SMARCAL1: variants seen among roughly 807,000 people sequenced by gnomAD.
SMARCAL1 encodes ATP-driven annealing helicase.
SMARCAL1 carries 58 observed loss-of-function variants against 94.5 expected under a neutral mutation model. The observed-to-expected ratio is 0.61, with a 90% confidence interval of 0.50 to 0.76. The LOEUF (loss-of-function observed/expected upper bound fraction) is 0.76, where lower values mean the gene tolerates loss of function less well. Among genes scored for constraint, SMARCAL1 ranks in the 30% least tolerant of loss-of-function variants. The probability of loss-of-function intolerance (pLI) is 0.00; values close to 1 mark genes in which losing one functional copy is unlikely to be tolerated. For synonymous variants in SMARCAL1, 422 were observed against 455.1 expected (o/e 0.93, Z 0.93); for missense variants, 1,051 against 1,177.9 (o/e 0.89, Z 1.58).
chr2:216,423,053 T>C (rs1693758570), intron 5 of SMARCAL1, among the ~76,000 whole-genome samples: 1 of 152,208 alleles, frequency 6.6e-6, no homozygotes, highest in Non-Finnish European at 1.5e-5. Flanking sequence ...AGGTAGGGGT[T>C]GTAATATCTT....
chr2:216,430,547 G>A (rs1261627860), intron 7 of SMARCAL1, among the ~76,000 whole-genome samples: 1 of 152,150 alleles, frequency 6.6e-6, no homozygotes, highest in Non-Finnish European at 1.5e-5. Flanking sequence ...CTGCCCTGTG[G>A]AGGATGACAT....
intron 10 of SMARCAL1, among the ~76,000 whole-genome samples, chr2:216,446,171 G>C (rs1694311483): frequency 6.6e-6 from 1 of 151,958 alleles, no homozygotes; most frequent in African/African-American, 2.4e-5. Flanking sequence ...GGGATCTTTG[G>C]GTCTGATGCC....
At chr2:216,438,534 A>G in intron 10 of SMARCAL1, 49 bp downstream of exon 10, 2 of 1,544,780 alleles carry the variant, frequency 1.3e-6, no homozygotes, top group Non-Finnish European at 1.8e-6. Context: ...ATCCCATAAT[A>G]TTTTGCTCAG....
intron 7 of SMARCAL1, 35 bp downstream of exon 7, chr2:216,428,817 G>T: frequency 6.3e-7 from 1 of 1,586,376 alleles, no homozygotes; most frequent in Non-Finnish European, 8.7e-7. Flanking sequence ...TTCCTCTGTT[G>T]CTCAAATTTC....
chr2:216,460,418 A>G (rs1694668318), intron 12 of SMARCAL1, among the ~76,000 whole-genome samples: 1 of 152,168 alleles, frequency 6.6e-6, no homozygotes, highest in Admixed American at 6.5e-5. Context: ...TCACAATAGC[A>G]AACACTTGGA....
intron 13 of SMARCAL1, among the ~76,000 whole-genome samples, chr2:216,464,990 G>C (rs954597272): frequency 6.6e-6 from 1 of 152,044 alleles, no homozygotes; most frequent in Non-Finnish European, 1.5e-5. Flanking sequence ...TACAAAAAAT[G>C]AACAGAATTA....
chr2:216,460,304 A>C (rs968977940), intron 12 of SMARCAL1, among the ~76,000 whole-genome samples: 3 of 152,246 alleles, frequency 2.0e-5, no homozygotes, highest in African/African-American at 7.2e-5. Flanking sequence ...TAGAACTAGA[A>C]ATACCATTTG....
At chr2:216,443,915 C>G (rs370289327) in intron 10 of SMARCAL1, among the ~76,000 whole-genome samples, 37 of 152,348 alleles carry the variant, frequency 2.4e-4, no homozygotes, top group African/African-American at 7.7e-4. Context: ...TGGCTTTCTT[C>G]TGAATGTCAA....
rs200566186 is a variant in SMARCAL1, at chr2:216,432,757, C to T, written c.1374C>T (p.Asp458=). 2.1e-5 allele frequency: 34 copies of T among 1,614,162 alleles called. No individual in the cohort carries two copies. The highest frequency in any genetic ancestry group is 1.7e-4 in the Middle Eastern group (1 of 6,060). The change falls in exon 8 of 18, where the codon GAC becomes GAT. Residue 458 remains aspartate (D), a synonymous_variant. Coordinates refer to ENST00000357276, the MANE Select transcript of SMARCAL1 (RefSeq NM_014140.4). ...AAGGAGGCCGCCTGCTGCTCGCTGA[C>T]GACATGGGCCTGGGGAAGACCATCC... is the stretch of plus-strand genomic sequence containing the variant. The part of the protein sequence containing the change: ...IAKGGRLLLA[D]DMGLGKTIQA...
intron 14 of SMARCAL1, among the ~76,000 whole-genome samples, chr2:216,474,844 G>A (rs1695037372): frequency 6.6e-6 from 1 of 152,074 alleles, no homozygotes; most frequent in South Asian, 2.1e-4. Context: ...GAGGAGGGAG[G>A]TAAAAGGATC....
intron 10 of SMARCAL1, among the ~76,000 whole-genome samples, chr2:216,444,209 T>C (rs1694257053): frequency 1.3e-5 from 2 of 152,234 alleles, no homozygotes; most frequent in East Asian, 3.9e-4. Context: ...CTTCTTCATG[T>C]CTTATTTCTA....
Position 216,416,295 on chromosome 2 carries a change from T to C in SMARCAL1, c.850T>C (p.Tyr284His). The C allele has an allele frequency of 1.9e-6, 3 of 1,613,486 alleles. No homozygotes were observed. The highest frequency in any genetic ancestry group is 2.5e-6 in the Non-Finnish European group (3 of 1,179,460). Residue 284 changes from tyrosine (Y) to histidine (H), a missense_variant, in exon 4 of 18, where the codon TAT (tyrosine) becomes CAT (histidine). Coordinates refer to ENST00000357276, the MANE Select transcript of SMARCAL1 (RefSeq NM_014140.4). ...TKTWNFSMNDYSALMKAAQSL... is the reference protein window; with the variant it reads ...TKTWNFSMNDHSALMKAAQSL... Reference sequence around the variant, plus strand: ...GACGTGGAACTTCAGCATGAATGACTATAGTGCCCTGAGTAAGTAGACACA... The same window carrying C: ...GACGTGGAACTTCAGCATGAATGACCATAGTGCCCTGAGTAAGTAGACACA...
intron 12 of SMARCAL1, among the ~76,000 whole-genome samples, chr2:216,460,493 A>C (rs1271324281): frequency 6.6e-6 from 1 of 152,156 alleles, no homozygotes; most frequent in East Asian, 1.9e-4. Context: ...ACACCATGGA[A>C]TACTATGCAG....
At chr2:216,462,426 A>C (rs1377656748) in intron 12 of SMARCAL1, among the ~76,000 whole-genome samples, 1 of 152,130 alleles carries the variant, frequency 6.6e-6, no homozygotes, top group Non-Finnish European at 1.5e-5. Flanking sequence ...TAGAAACTGC[A>C]TTGGGTTGGA....
At chr2:216,438,736 A>C (rs567432898) in intron 10 of SMARCAL1, among the ~76,000 whole-genome samples, 1 of 152,208 alleles carries the variant, frequency 6.6e-6, no homozygotes, top group African/African-American at 2.4e-5. Flanking sequence ...TTGTCTCTCG[A>C]AGGTCAAGAC....
At chr2:216,443,731 G>A (rs182199462) in intron 10 of SMARCAL1, among the ~76,000 whole-genome samples, 7 of 152,346 alleles carry the variant, frequency 4.6e-5, no homozygotes, top group Middle Eastern at 3.4e-3. Flanking sequence ...CAGAGGCCAT[G>A]TATAAAGTAT....
In SMARCAL1 at chr2:216,482,990, G is replaced by T. The variant is rs760333596; in HGVS notation, c.*13G>T. The T allele has an allele frequency of 4.7e-5, 76 of 1,606,754 alleles. 2 individuals are homozygous for T. The Admixed American group carries it at 8.3e-4, about 17-fold the overall frequency. ...GTCTCCCCTGTAAAAGGGGCAAAAAGAAAAAAATAAAAAGCATTTTAAAAT... is the reference window on the plus strand; with the variant it reads ...GTCTCCCCTGTAAAAGGGGCAAAAATAAAAAAATAAAAAGCATTTTAAAAT... On this transcript the variant is annotated 3_prime_UTR_variant, in exon 18 of 18. Coordinates refer to ENST00000357276, the MANE Select transcript of SMARCAL1 (RefSeq NM_014140.4). This position sits in a 1 kb window ranked among gnomAD's most constrained non-coding sequence, Gnocchi z 4.3.
chr2:216,447,946 C>G (rs1021512746), intron 11 of SMARCAL1, among the ~76,000 whole-genome samples: 3 of 152,190 alleles, frequency 2.0e-5, no homozygotes, highest in African/African-American at 7.2e-5. Flanking sequence ...ATAGCTGCAA[C>G]TTACCCTACA....
At position 216,456,009 on chromosome 2, in the gene SMARCAL1, C is replaced by T. The variant is rs552021813; in HGVS notation, c.2070+4945C>T. Reference sequence around the variant, plus strand: ...CCAATGCAGAGAAGTCCTTAAAGGACCTGATGGAGCTTAAAACCATGGCAC... The same window carrying T: ...CCAATGCAGAGAAGTCCTTAAAGGATCTGATGGAGCTTAAAACCATGGCAC... On this transcript the variant is annotated intron_variant, in intron 12 of 17. Transcript: ENST00000357276. Among the ~76,000 whole-genome samples the T allele has an allele frequency of 3.3e-3, 497 of 152,252 alleles. 2 individuals are homozygous for T. Among genetic ancestry groups the T allele is most frequent in the African/African-American group, 0.012 (484 of 41,542 alleles).
Sources: allele counts gnomAD v4.1 joint callset (sites outside exome capture counted in the v4.1 genomes callset), GRCh38; gene constraint gnomAD v4.1.1; non-coding constraint Gnocchi (gnomAD v3.1); transcripts MANE v1.5; gene names NCBI Gene and HGNC (gene_info 2026-07-23, HGNC 2026-07-21).